Variants in HEXA observed in about 807,000 individuals in gnomAD.
HEXA encodes the protein hexosaminidase subunit alpha, also known as beta-hexosaminidase subunit alpha.
In HEXA, 54 loss-of-function variants were observed where a neutral mutation model predicts 73.3. The ratio of observed to expected loss-of-function variants is 0.74; its 90% CI spans 0.59 to 0.92. HEXA has a LOEUF of 0.92. Among genes scored for constraint, HEXA ranks in the 40% least tolerant of loss-of-function variants. The pLI, the probability that HEXA is intolerant of heterozygous loss-of-function variation, is 0.00. For synonymous variants in HEXA, 230 were observed against 246.9 expected (o/e 0.93, Z 0.64); for missense variants, 649 against 653.0 (o/e 0.99, Z 0.07).
At position 72,346,625 on chromosome 15, in the gene HEXA, C is replaced by T. The variant is rs1038092289; in HGVS notation, c.1232G>A (p.Gly411Asp). 6.2e-7 allele frequency: 1 copy of T among 1,614,074 alleles called. No homozygotes were observed. The highest frequency in any genetic ancestry group is 8.5e-7 in the Non-Finnish European group (1 of 1,179,996). The part of the protein sequence containing the change: ...MKELELVTKA[G>D]FRALLSAPWY... ...GGGGGCAGAGAGAAGGGCCCGGAAG[C>T]CGGCCTTGGTGACCAGTTCCAGCTC... The change falls in exon 11 of 14, where the codon GGC (glycine) becomes GAC (aspartate). Residue 411 changes from glycine (G) to aspartate (D), a missense_variant. Gly to Asp is a moderately conservative substitution (Grantham distance 94). Transcript: ENST00000268097.
At chr15:72,345,582 C>T in intron 12 of HEXA, 32 bp from the exon 13 acceptor site, 2 of 1,612,070 alleles carry the variant, frequency 1.2e-6, no homozygotes, top group Non-Finnish European at 1.7e-6. Flanking sequence ...CCAGATTGGG[C>T]CCTGTATTCC....
intron 1 of HEXA, among the ~76,000 whole-genome samples, chr15:72,364,063 G>A (rs560613395): frequency 5.3e-4 from 80 of 152,186 alleles, no homozygotes; most frequent in Non-Finnish European, 7.5e-4. Flanking sequence ...CCCAGCGAAC[G>A]ACTTCAAGGT....
Position 72,362,625 on chromosome 15 carries a change from G to A in HEXA, c.254-6008C>T, listed in dbSNP as rs138167881. 2.1e-3 allele frequency among the ~76,000 whole-genome samples: 322 copies of A among 152,304 alleles called. 1 individual carries two copies. The highest frequency in any genetic ancestry group is 7.6e-3 in the African/African-American group (317 of 41,560). Reference sequence around the variant, plus strand: ...CTGAGACTGGGGTGGGCGATGCTAAGAAGACGCCCAGACTTACACAAAGTG... The same window carrying A: ...CTGAGACTGGGGTGGGCGATGCTAAAAAGACGCCCAGACTTACACAAAGTG... On this transcript the variant is annotated intron_variant, in intron 1 of 13. Transcript: ENST00000268097.
In HEXA at chr15:72,367,004, C is replaced by T. The variant is rs549852355; in HGVS notation, c.253+8716G>A. 5.9e-5 allele frequency among the ~76,000 whole-genome samples: 9 copies of T among 151,936 alleles called. No individual in the cohort carries two copies. The East Asian group carries it at 9.7e-4, about 16-fold the overall frequency. On this transcript the variant is annotated intron_variant, in intron 1 of 13. Transcript: ENST00000268097. ...TGTTGCCCAGGCTGGAGTGCAGTGGCGCACTCTCGGCTCACTGCAACCTCC... is the reference window on the plus strand; with the variant it reads ...TGTTGCCCAGGCTGGAGTGCAGTGGTGCACTCTCGGCTCACTGCAACCTCC...
At chr15:72,362,838 A>T (rs1225143810) in intron 1 of HEXA, among the ~76,000 whole-genome samples, 1 of 152,166 alleles carries the variant, frequency 6.6e-6, no homozygotes, top group Non-Finnish European at 1.5e-5. Context: ...TCCCTCCTGA[A>T]TCAAAACACT....
chr15:72,375,899 G>A lies in HEXA; in HGVS notation c.74C>T (p.Pro25Leu). 1 of 1,614,202 alleles carries A rather than the reference G, an allele frequency of 6.2e-7. No homozygotes were observed. Among genetic ancestry groups the A allele is most frequent in the Non-Finnish European group, 8.5e-7 (1 of 1,180,036 alleles). ...GGAGGTTTGGAAGTTCTGAGGCCAGGGCCAGAGGGCCGTCGCCCGTCCTGC... is the reference window on the plus strand; with the variant it reads ...GGAGGTTTGGAAGTTCTGAGGCCAGAGCCAGAGGGCCGTCGCCCGTCCTGC... ...AFAGRATALW[P>L]WPQNFQTSDQ... Residue 25 changes from proline (P) to leucine (L), a missense_variant, in exon 1 of 14, where the codon CCC (proline) becomes CTC (leucine). Transcript: ENST00000268097.
chr15:72,374,834 A>G (rs2089038191), intron 1 of HEXA, among the ~76,000 whole-genome samples: 1 of 151,980 alleles, frequency 6.6e-6, no homozygotes, highest in African/African-American at 2.4e-5. Flanking sequence ...CTTCAACCCC[A>G]CATTTTCCCC....
intron 1 of HEXA, among the ~76,000 whole-genome samples, chr15:72,371,779 GC>G (rs2140340962): frequency 6.6e-6 from 1 of 152,230 alleles, no homozygotes; most frequent in East Asian, 1.9e-4. Context: ...AATGAACTAT[GC>G]CATTTATTAA....
At chr15:72,360,986 A>G (rs1425047797) in intron 1 of HEXA, among the ~76,000 whole-genome samples, 2 of 152,108 alleles carry the variant, frequency 1.3e-5, no homozygotes, top group Admixed American at 1.3e-4. Flanking sequence ...CTATTCCTCA[A>G]TCCACTATAA....
intron 1 of HEXA, among the ~76,000 whole-genome samples, chr15:72,371,110 T>C (rs2088985892): frequency 6.6e-6 from 1 of 152,170 alleles, no homozygotes; most frequent in South Asian, 2.1e-4. Context: ...GGCCTTATTC[T>C]TTCTCCCCAG....
rs1238105753 is a variant in HEXA, at chr15:72,353,622, T to G, written c.459+69A>C. The G allele has an allele frequency of 7.2e-6, 9 of 1,246,104 alleles. No individual in the cohort carries two copies. In the Admixed American group the frequency reaches 1.4e-4, roughly 19 times the overall value. 77.2% of individuals were successfully genotyped at this position (1,246,104 alleles called of 1,614,324 possible). On this transcript the variant is annotated intron_variant, in intron 4 of 13. Transcript: ENST00000268097. ...ATCCTAAGGCAAAACAAGATTTTTC[T>G]AGGATTCTCAATATTGGGATCCAAC...
chr15:72,367,279 T>A (rs1411671846), intron 1 of HEXA, among the ~76,000 whole-genome samples: 1 of 152,170 alleles, frequency 6.6e-6, no homozygotes, highest in Non-Finnish European at 1.5e-5. Flanking sequence ...CCTCTCCTAC[T>A]ATTTTCCCTA....
intron 1 of HEXA, among the ~76,000 whole-genome samples, chr15:72,369,515 T>C (rs1389502531): frequency 1.3e-5 from 2 of 152,190 alleles, no homozygotes; most frequent in East Asian, 3.8e-4. Context: ...CCCTTTCTTT[T>C]GTTTTTGTTT....
chr15:72,375,851 G>A lies in HEXA; in HGVS notation c.122C>T (p.Pro41Leu). ...QTSDQRYVLY[P>L]NNFQFQYDVS... ...ATCGTACTGGAATTGAAAGTTGTTC[G>A]GGTAAAGGACGTAGCGCTGGTCGGA... The change falls in exon 1 of 14, where the codon CCG (proline) becomes CTG (leucine). Residue 41 changes from proline (P) to leucine (L), a missense_variant. Physicochemically the swap from Pro to Leu is moderately conservative, Grantham distance 98. Transcript: ENST00000268097. 1 of 1,614,258 alleles carries A rather than the reference G, an allele frequency of 6.2e-7. No homozygotes were observed.
chr15:72,342,179 G>A lies in HEXA; in HGVS notation c.*1898C>T, dbSNP rs1204929739. On this transcript the variant is annotated 3_prime_UTR_variant, in exon 14 of 14. Coordinates refer to ENST00000268097, the MANE Select transcript of HEXA (RefSeq NM_000520.6). ...TGCCAGTGCTGGGACCTTAACTTGT[G>A]TATCTGGGCTATAGCCCTGGACTTG... 1 of 152,286 alleles carries A rather than the reference G, an allele frequency of 6.6e-6. No individual in the cohort carries two copies. Among genetic ancestry groups the A allele is most frequent in the African/African-American group, 2.4e-5 (1 of 41,428 alleles). 9.4% of individuals were successfully genotyped at this position (152,286 alleles called of 1,614,324 possible). A position where few individuals can be genotyped will look rare whatever the true frequency, so the allele number is the denominator to read the frequency against.
In HEXA at chr15:72,355,605, A is replaced by T. The variant is rs1302430521; in HGVS notation, c.366T>A (p.Asp122Glu). Residue 122 changes from aspartate to glutamate, a missense_variant, in exon 3 of 14, where the codon GAT (aspartate) becomes GAA (glutamate). By Grantham distance (45) the Asp-to-Glu change is conservative. Coordinates refer to ENST00000268097, the MANE Select transcript of HEXA (RefSeq NM_000520.6). ...TCTCAGAGAGGAGTAAACACTGGTC[A>T]TCATTTATGGTCAGGGTATCTGAAA... Reference protein sequence around the residue: ...SVENYTLTINDDQCLLLSETV... With the variant: ...SVENYTLTINEDQCLLLSETV... 3 of 1,611,458 alleles carry T rather than the reference A, an allele frequency of 1.9e-6. No homozygotes were observed. Among genetic ancestry groups the T allele is most frequent in the South Asian group, 1.1e-5 (1 of 91,026 alleles).
intron 7 of HEXA, 75 bp from the exon 8 acceptor site, chr15:72,349,334 C>T (rs1005080437): frequency 4.8e-5 from 56 of 1,170,480 alleles, no homozygotes; most frequent in Non-Finnish European, 6.0e-5. Flanking sequence ...CGTAAGGACA[C>T]GAGTCACACA....
At chr15:72,348,161 A>G (rs377083597) in intron 8 of HEXA, 27 bp from the exon 9 acceptor site, 3 of 1,515,624 alleles carry the variant, frequency 2.0e-6, no homozygotes, top group Non-Finnish European at 2.8e-6. Context: ...AATGAAGATT[A>G]ATCTTTCAAC....
At chr15:72,370,716 AAG>A (rs2140340098) in intron 1 of HEXA, 1 of 397,846 alleles carries the variant, frequency 2.5e-6, no homozygotes, top group Non-Finnish European at 4.4e-6. Flanking sequence ...AAAGAAAGAA[AAG>A]AAAAGAAAAA....
Sources: allele counts gnomAD v4.1 joint callset (sites outside exome capture counted in the v4.1 genomes callset), GRCh38; gene constraint gnomAD v4.1.1; transcripts MANE v1.5; gene names NCBI Gene and HGNC (gene_info 2026-07-23, HGNC 2026-07-21).